Variants in TMEM164 observed in about 807,000 individuals in gnomAD.
TMEM164 encodes the protein transmembrane protein 164.
A neutral mutation model predicts 18.8 loss-of-function variants in TMEM164; 4 were observed. The ratio of observed to expected loss-of-function variants is 0.21; its 90% CI spans 0.10 to 0.49. The LOEUF is 0.49. Among genes scored for constraint, TMEM164 ranks in the 20% least tolerant of loss-of-function variants. TMEM164 has a pLI of 0.98. For synonymous variants in TMEM164, 86 were observed against 101.7 expected, an observed-to-expected ratio of 0.85 and a Z score of 0.93; for missense variants, 108 against 239.9, an observed-to-expected ratio of 0.45 and a Z score of 3.63.
intron 4 of TMEM164, among the ~76,000 whole-genome samples, chrX:110,116,682 C>A (rs1205048239): frequency 8.9e-6 from 1 of 111,778 alleles, no homozygotes; most frequent in Non-Finnish European, 1.9e-5. Context: ...TCAACCTCCA[C>A]AAATAAGAAT....
chrX:110,029,044 A>G (rs1339685470), intron 2 of TMEM164, among the ~76,000 whole-genome samples: 1 of 111,614 alleles, frequency 9.0e-6, no homozygotes, highest in Non-Finnish European at 1.9e-5. Flanking sequence ...ATAGATCTAC[A>G]TGCTATAAGG....
At chrX:110,168,676 C>T (rs113634397) in intron 5 of TMEM164, among the ~76,000 whole-genome samples, 6,061 of 112,506 alleles carry the variant, frequency 0.054, 152 homozygotes, top group Middle Eastern at 0.079. Context: ...CCCTGGTCCC[C>T]ACTTTAGTCA....
chrX:110,032,047 G>C (rs891626899), intron 2 of TMEM164, among the ~76,000 whole-genome samples: 1 of 111,466 alleles, frequency 9.0e-6, no homozygotes, highest in African/African-American at 3.3e-5. Flanking sequence ...CCAGCTTGAT[G>C]GGGGAGAGGG....
At chrX:110,106,038 G>T (rs778027093) in intron 3 of TMEM164, among the ~76,000 whole-genome samples, 1 of 111,613 alleles carries the variant, frequency 9.0e-6, no homozygotes, top group Non-Finnish European at 1.9e-5. Flanking sequence ...TTAGCCCAGT[G>T]ATTTGCACAT....
At chrX:110,049,800 TGGTAGGTACATGACTG>T (rs1935470979) in intron 2 of TMEM164, among the ~76,000 whole-genome samples, 1 of 111,696 alleles carries the variant, frequency 9.0e-6, no homozygotes, top group Non-Finnish European at 1.9e-5. Flanking sequence ...TGGATTTTTG[TGGTAGGTACATGACTG>T]GGTGGAGAGG....
At chrX:110,018,326 G>C (rs1012054793) in intron 2 of TMEM164, among the ~76,000 whole-genome samples, 5 of 112,292 alleles carry the variant, frequency 4.5e-5, no homozygotes, top group African/African-American at 1.6e-4. Context: ...GGGTTAGCCA[G>C]ACCTGGGTCC....
intron 3 of TMEM164, among the ~76,000 whole-genome samples, chrX:110,093,024 A>C (rs1055482585): frequency 9.0e-6 from 1 of 111,536 alleles, no homozygotes; most frequent in African/African-American, 3.3e-5. Context: ...ATTGATTTGC[A>C]TGTGTTGAAG....
intron 5 of TMEM164, among the ~76,000 whole-genome samples, chrX:110,149,907 C>T (rs1294291500): frequency 8.9e-6 from 1 of 111,795 alleles, no homozygotes; most frequent in African/African-American, 3.3e-5. Flanking sequence ...GTATGCAATG[C>T]ATCCGTTCAT....
At chrX:110,092,824 C>A (rs1355229244) in intron 3 of TMEM164, among the ~76,000 whole-genome samples, 1 of 111,933 alleles carries the variant, frequency 8.9e-6, no homozygotes, top group Non-Finnish European at 1.9e-5. Flanking sequence ...TATGCTCATT[C>A]AGTATGATAT....
intron 2 of TMEM164, among the ~76,000 whole-genome samples, chrX:110,054,912 T>G (rs1349009983): frequency 8.9e-6 from 1 of 112,003 alleles, no homozygotes; most frequent in Admixed American, 9.5e-5. Context: ...GTATCAGCCC[T>G]TTCTGATATC....
downstream of TMEM164, among the ~76,000 whole-genome samples, chrX:110,183,732 A>G (rs2067331665): frequency 8.9e-6 from 1 of 112,595 alleles, no homozygotes; most frequent in African/African-American, 3.2e-5. Flanking sequence ...GTGGCCTCAG[A>G]TAAGTGACAA....
At chrX:110,071,866 A>G (rs2065597087) in intron 3 of TMEM164, among the ~76,000 whole-genome samples, 1 of 109,783 alleles carries the variant, frequency 9.1e-6, no homozygotes, top group Non-Finnish European at 1.9e-5. Context: ...GTGCTGCTGA[A>G]CTCCAGCTTG....
intron 2 of TMEM164, among the ~76,000 whole-genome samples, chrX:110,035,504 C>CT (rs771787732): frequency 0.015 from 1,551 of 100,140 alleles, 38 homozygotes; most frequent in African/African-American, 0.049. Context: ...TAGCCATTTC[C>CT]TTTTTTTTTT....
chrX:110,064,052 T>C (rs927609834), intron 2 of TMEM164, among the ~76,000 whole-genome samples: 2 of 111,458 alleles, frequency 1.8e-5, no homozygotes, highest in Non-Finnish European at 3.8e-5. Flanking sequence ...CTCAGTTTCC[T>C]CATCTCTGAA....
Position 110,176,564 on chromosome X carries a change from A to G in TMEM164, c.*3113A>G, listed in dbSNP as rs1353305048. ...CGTACAGTACCTCAGTCTAGCTGTC[A>G]GATCACCCCTTTTGCTGTAGCCTCT... On this transcript the variant is annotated 3_prime_UTR_variant, in exon 7 of 7. Coordinates refer to ENST00000372068, the MANE Select transcript of TMEM164 (RefSeq NM_032227.4). 1 of 229,465 alleles carries G rather than the reference A, an allele frequency of 4.4e-6. No individual in the cohort carries two copies. Among genetic ancestry groups the G allele is most frequent in the Non-Finnish European group, 6.3e-6 (1 of 159,551 alleles). 18.9% of individuals were successfully genotyped at this position (229,465 alleles called of 1,213,427 possible).
intron 4 of TMEM164, among the ~76,000 whole-genome samples, chrX:110,110,232 A>G (rs2066271970): frequency 3.6e-5 from 4 of 111,543 alleles, no homozygotes; most frequent in Admixed American, 1.9e-4. Flanking sequence ...ACAAATATTC[A>G]TGTATACCTT....
rs1025231222 is a variant in TMEM164 at position 110,031,080 on chromosome X, G to A, written c.390+26916G>A. On this transcript the variant is annotated intron_variant, in intron 2 of 6. Transcript: ENST00000372068. ...TCCCCTGCAACTGCCGACAGGCCCC[G>A]GCATGTGATGTTCCCTTCCCTGTGC... is the stretch of plus-strand genomic sequence containing the variant. 8.2e-5 allele frequency among the ~76,000 whole-genome samples: 9 copies of A among 110,375 alleles called. 1 individual carries two copies. Among genetic ancestry groups the A allele is most frequent in the Non-Finnish European group, 1.5e-4 (8 of 52,855 alleles).
At chrX:110,114,967 G>A (rs962992731) in intron 4 of TMEM164, among the ~76,000 whole-genome samples, 10 of 111,821 alleles carry the variant, frequency 8.9e-5, no homozygotes, top group Non-Finnish European at 1.9e-4. Context: ...CTTTTGCCCA[G>A]TTCTTTCTGC....
At chrX:110,072,256 G>A (rs1039741973) in intron 3 of TMEM164, among the ~76,000 whole-genome samples, 1 of 92,499 alleles carries the variant, frequency 1.1e-5, no homozygotes. Context: ...AGATGAGATC[G>A]CACCACTGCA....
Sources: gnomAD v4.1 joint callset for allele counts (sites outside exome capture counted in the v4.1 genomes callset) on GRCh38, gnomAD v4.1.1 for gene constraint, MANE v1.5 for transcripts, NCBI Gene and HGNC (gene_info 2026-07-23, HGNC 2026-07-21) for gene names.